Variants in EXOC3L4 observed in about 807,000 individuals in gnomAD.
The protein encoded by EXOC3L4 is exocyst complex component 3-like protein 4.
In EXOC3L4, 62 loss-of-function variants were observed where a neutral mutation model predicts 69.7. The ratio of observed to expected loss-of-function variants is 0.89; its 90% confidence interval spans 0.72 to 1.10. EXOC3L4 has a LOEUF of 1.10. Among genes scored for constraint, EXOC3L4 ranks in the 50% least tolerant of loss-of-function variants. The pLI is 0.00. For synonymous variants in EXOC3L4, 502 were observed against 464.2 expected (o/e 1.08, Z -1.05); for missense variants, 1,087 against 1,034.8 (o/e 1.05, Z -0.69).
At chr14:103,103,899 T>G in intron 3 of EXOC3L4, 42 bp from the exon 4 acceptor site, 1 of 1,418,116 alleles carries the variant, frequency 7.1e-7, no homozygotes, top group Non-Finnish European at 9.6e-7. Flanking sequence ...GGCTGCCGCA[T>G]CAGAGCCGCT....
intron 3 of EXOC3L4, 37 bp from the exon 4 acceptor site, chr14:103,103,904 G>A (rs1344894625): frequency 1.4e-6 from 2 of 1,465,394 alleles, no homozygotes; most frequent in East Asian, 2.5e-5. Flanking sequence ...CCGCATCAGA[G>A]CCGCTCCCGC....
rs1313580342 is a variant in EXOC3L4, at chr14:103,100,309, G to A, written c.90G>A (p.Arg30=). Reference sequence around the variant, plus strand: ...CACAGACTCCAGCTCAGGGCTCCCGGCGAACAAGCAGCAGGAAAGAGCCCA... The same window carrying A: ...CACAGACTCCAGCTCAGGGCTCCCGACGAACAAGCAGCAGGAAAGAGCCCA... ...EEPQTPAQGS[R]RTSSRKEPNA... is the part of the protein sequence containing the mutation. Residue 30 remains arginine (R), a synonymous_variant, in exon 2 of 12, where the codon CGG becomes CGA. Transcript: ENST00000688303. 2.5e-6 allele frequency: 4 copies of A among 1,585,486 alleles called. No individual in the cohort carries two copies. Among genetic ancestry groups the A allele is most frequent in the Non-Finnish European group, 3.4e-6 (4 of 1,165,026 alleles).
rs550348339 is a variant in EXOC3L4, at chr14:103,097,359, G to A, written c.-17+2519G>A. ...GGCAGCATAGGAGCCGGGGCCCCCT[G>A]GACTCTCCGGGCACTGGGGACAGAG... On this transcript the variant is annotated intron_variant, in intron 1 of 11. Coordinates refer to ENST00000688303, the MANE Select transcript of EXOC3L4 (RefSeq NM_001077594.2). The surrounding 1 kb of genome is among the most constrained non-coding windows in gnomAD (Gnocchi z 4.9). 1.4e-4 allele frequency among the ~76,000 whole-genome samples: 22 copies of A among 152,230 alleles called. 1 individual carries two copies. The South Asian group carries it at 4.4e-3, about 30-fold the overall frequency.
rs1315710038 is a variant in EXOC3L4, at chr14:103,108,430, A to G, written c.1889A>G (p.Gln630Arg). ...GCCACATGGTTGGACCAAGCCATCC[A>G]GTGCGTGGCTGAGATCCTGGGCGAG... Reference protein sequence around the residue: ...SEATWLDQAIQCVAEILGETY... With the variant: ...SEATWLDQAIRCVAEILGETY... Residue 630 changes from glutamine to arginine, a missense_variant, in exon 11 of 12, where the codon CAG becomes CGG. Coordinates refer to ENST00000688303, the MANE Select transcript of EXOC3L4 (RefSeq NM_001077594.2). The G allele has an allele frequency of 1.2e-6, 2 of 1,613,838 alleles. No homozygotes were observed. The highest frequency in any genetic ancestry group is 1.7e-5 in the Admixed American group (1 of 60,008).
intron 4 of EXOC3L4, 98 bp from the exon 5 acceptor site, chr14:103,104,169 C>T (rs971446167): frequency 2.2e-5 from 32 of 1,444,990 alleles, no homozygotes; most frequent in Admixed American, 2.7e-5. Context: ...CTGTGGCCCC[C>T]GGCGCGGGCT....
At chr14:103,107,232 C>G (rs992146869) in intron 8 of EXOC3L4, among the ~76,000 whole-genome samples, 192 bp from the exon 9 acceptor site, 1 of 152,214 alleles carries the variant, frequency 6.6e-6, no homozygotes, top group African/African-American at 2.4e-5. Flanking sequence ...AGACTCAAAC[C>G]CTGCCCCTAG....
Position 103,107,518 on chromosome 14 carries a change from A to T in EXOC3L4, c.1676A>T (p.Gln559Leu). The T allele has an allele frequency of 3.7e-6, 6 of 1,613,722 alleles. No individual in the cohort carries two copies. Among genetic ancestry groups the T allele is most frequent in the Non-Finnish European group, 5.1e-6 (6 of 1,180,002 alleles). The part of the protein sequence containing the change: ...DKVVTFAGHL[Q>L]RVARPRAQET... ...GTGGTGACCTTCGCCGGTCATCTCC[A>T]GCGTGTGGCCCGGCCGCGGGCACAG... The change falls in exon 9 of 12, where the codon CAG becomes CTG. Residue 559 changes from glutamine to leucine, a missense_variant. By Grantham distance (113) the Gln-to-Leu change is moderately radical. Transcript: ENST00000688303.
At chr14:103,098,961 G>T (rs1890023695) in intron 1 of EXOC3L4, 1 of 152,250 alleles carries the variant, frequency 6.6e-6, no homozygotes, top group Admixed American at 6.5e-5. Context: ...CTTGCTGGAG[G>T]GCGAGGGTGG....
intron 7 of EXOC3L4, 44 bp downstream of exon 7, chr14:103,105,116 G>A (rs910181114): frequency 6.4e-7 from 1 of 1,564,676 alleles, no homozygotes; most frequent in South Asian, 1.2e-5. Context: ...TGGCCAGCAG[G>A]GGGCGCGCGA....
At chr14:103,107,900 A>G (rs772371173) in intron 10 of EXOC3L4, 117 bp downstream of exon 10, 11 of 1,245,920 alleles carry the variant, frequency 8.8e-6, no homozygotes, top group Non-Finnish European at 1.1e-5. Flanking sequence ...ACTCTGGATC[A>G]GGTGGAACAG....
chr14:103,103,957 G>A lies in EXOC3L4; in HGVS notation c.1066G>A (p.Ala356Thr), dbSNP rs1476142035. The change falls in exon 4 of 12, where the codon GCC becomes ACC. Residue 356 changes from alanine (A) to threonine (T), a missense_variant. Transcript: ENST00000688303. ...NVYGSPDFLG[A>T]PGLALPAEPL... ...GTCTTCCAGTCCTGACTTCCTGGGC[G>A]CCCCGGGGCTGGCGCTGCCCGCCGA... 1 of 1,545,012 alleles carries A rather than the reference G, an allele frequency of 6.5e-7. No individual in the cohort carries two copies. Among genetic ancestry groups the A allele is most frequent in the East Asian group, 2.4e-5 (1 of 41,378 alleles).
rs1019803233 is a variant in EXOC3L4 at position 103,103,961 on chromosome 14, C to T, written c.1070C>T (p.Pro357Leu). The change falls in exon 4 of 12, where the codon CCG becomes CTG. Residue 357 changes from proline (P) to leucine (L), a missense_variant. Physicochemically the swap from Pro to Leu is moderately conservative, Grantham distance 98. Transcript: ENST00000688303. ...VYGSPDFLGA[P>L]GLALPAEPLP... ...TCCAGTCCTGACTTCCTGGGCGCCC[C>T]GGGGCTGGCGCTGCCCGCCGAGCCG... 3.2e-6 allele frequency: 5 copies of T among 1,546,270 alleles called. No homozygotes were observed. Among genetic ancestry groups the T allele is most frequent in the Non-Finnish European group, 4.3e-6 (5 of 1,151,752 alleles).
intron 3 of EXOC3L4, 120 bp from the exon 4 acceptor site, chr14:103,103,821 T>TGC: frequency 1.6e-6 from 1 of 626,814 alleles, no homozygotes; most frequent in South Asian, 1.8e-5. Context: ...TGTGTGTGTG[T>TGC]GTGTGTGTAC....
intron 1 of EXOC3L4, among the ~76,000 whole-genome samples, chr14:103,095,683 G>A (rs1889859840): frequency 6.6e-6 from 1 of 152,220 alleles, no homozygotes. Flanking sequence ...GGCTCAGGGG[G>A]CTTATGCTTT....
At position 103,102,549 on chromosome 14, in the gene EXOC3L4, G is replaced by A; in HGVS notation, c.826G>A (p.Ala276Thr). 7.0e-7 allele frequency: 1 copy of A among 1,430,526 alleles called. No individual in the cohort carries two copies. Among genetic ancestry groups the A allele is most frequent in the Non-Finnish European group, 9.1e-7 (1 of 1,094,704 alleles). 88.6% of individuals were successfully genotyped at this position (1,430,526 alleles called of 1,614,324 possible). The part of the protein sequence containing the change: ...FGEAEGASGL[A>T]QLLAELGGLV... ...GGAGGCGGAGGGCGCGTCGGGTTTG[G>A]CCCAGCTTCTGGCCGAGCTGGGTGG... The change falls in exon 3 of 12, where the codon GCC (alanine) becomes ACC (threonine). Residue 276 changes from alanine (A) to threonine (T), a missense_variant. Coordinates refer to ENST00000688303, the MANE Select transcript of EXOC3L4 (RefSeq NM_001077594.2).
chr14:103,102,124 A>C lies in EXOC3L4; in HGVS notation c.401A>C (p.Lys134Thr). 6.2e-7 allele frequency: 1 copy of C among 1,603,196 alleles called. No individual in the cohort carries two copies. Among genetic ancestry groups the C allele is most frequent in the Non-Finnish European group, 8.5e-7 (1 of 1,175,500 alleles). Residue 134 changes from lysine to threonine, a missense_variant, in exon 3 of 12, where the codon AAA becomes ACA. Coordinates refer to ENST00000688303, the MANE Select transcript of EXOC3L4 (RefSeq NM_001077594.2). ...TTCTCGCCCGCCTGTGCAGAAGGCAAATCCGTGGCCGACCTCATTACTGAA... is the reference window on the plus strand; with the variant it reads ...TTCTCGCCCGCCTGTGCAGAAGGCACATCCGTGGCCGACCTCATTACTGAA... ...SEELKPEAEG[K>T]SVADLITERQ...
Position 103,108,403 on chromosome 14 carries a change from A to C in EXOC3L4, c.1862A>C (p.Glu621Ala). The C allele has an allele frequency of 6.2e-7, 1 of 1,613,598 alleles. No homozygotes were observed. Among genetic ancestry groups the C allele is most frequent in the Non-Finnish European group, 8.5e-7 (1 of 1,179,690 alleles). Residue 621 changes from glutamate to alanine, a missense_variant, in exon 11 of 12, where the codon GAG becomes GCG. Physicochemically the swap from Glu to Ala is moderately radical, Grantham distance 107 (BLOSUM62 -1). Coordinates refer to ENST00000688303, the MANE Select transcript of EXOC3L4 (RefSeq NM_001077594.2). ...GGTGGCTCTGTCTCGCAGGGTTCCG[A>C]GGCCACATGGTTGGACCAAGCCATC... Reference protein sequence around the residue: ...ISDTFQGLGSEATWLDQAIQC... With the variant: ...ISDTFQGLGSAATWLDQAIQC...
chr14:103,102,409 C>A lies in EXOC3L4; in HGVS notation c.686C>A (p.Pro229His), dbSNP rs770979269. 2.0e-6 allele frequency: 3 copies of A among 1,534,900 alleles called. No homozygotes were observed. Among genetic ancestry groups the A allele is most frequent in the African/African-American group, 1.4e-5 (1 of 70,862 alleles). The stretch of plus-strand genomic sequence containing the variant: ...GAGGAGGAAGCCCACCCTTCTCCCC[C>A]CGACGACGGCGACTTCCTGCGCACG... ...SAEEEAHPSP[P>H]DDGDFLRTPR... Residue 229 changes from proline (P) to histidine (H), a missense_variant, in exon 3 of 12, where the codon CCC (proline) becomes CAC (histidine). Coordinates refer to ENST00000688303, the MANE Select transcript of EXOC3L4 (RefSeq NM_001077594.2).
chr14:103,096,925 C>T (rs1004535440), intron 1 of EXOC3L4, among the ~76,000 whole-genome samples: 8 of 152,194 alleles, frequency 5.3e-5, no homozygotes, highest in African/African-American at 9.6e-5. Context: ...GGACAAGCCC[C>T]GCACAGGGCT....
Sources: allele counts gnomAD v4.1 joint callset (sites outside exome capture counted in the v4.1 genomes callset), GRCh38; gene constraint gnomAD v4.1.1; non-coding constraint Gnocchi (gnomAD v3.1); transcripts MANE v1.5; gene names NCBI Gene and HGNC (gene_info 2026-07-23, HGNC 2026-07-21).